DUSP16: variants seen among roughly 807,000 people sequenced by gnomAD.
The protein encoded by DUSP16 is dual specificity phosphatase 16.
Under a neutral mutation model 58.3 loss-of-function variants are expected in DUSP16, and 21 were observed. The ratio of observed to expected loss-of-function variants is 0.36; its 90% CI spans 0.26 to 0.52. The LOEUF (loss-of-function observed/expected upper bound fraction) is 0.52. Ranked by LOEUF, DUSP16 falls within the 20% of genes least tolerant of loss-of-function variation. DUSP16 has a pLI of 0.94. For missense variants in DUSP16, 726 were observed against 819.0 expected (o/e 0.89, Z 1.39); for synonymous variants, 320 against 323.8 (o/e 0.99, Z 0.12).
chr12:12,542,156 C>G (rs1299296451), intron 1 of DUSP16, among the ~76,000 whole-genome samples: 1 of 152,066 alleles, frequency 6.6e-6, no homozygotes, highest in African/African-American at 2.4e-5. Context: ...GTGGGCGGAT[C>G]ACCTCAGGTT....
At chr12:12,519,252 C>T (rs1186820714) in intron 3 of DUSP16, among the ~76,000 whole-genome samples, 1 of 152,180 alleles carries the variant, frequency 6.6e-6, no homozygotes, top group Non-Finnish European at 1.5e-5. Flanking sequence ...TTTATAAGAT[C>T]ATCTGGTTGC....
At chr12:12,479,505 C>G (rs1943521886) in intron 6 of DUSP16, among the ~76,000 whole-genome samples, 1 of 152,160 alleles carries the variant, frequency 6.6e-6, no homozygotes, top group African/African-American at 2.4e-5. Flanking sequence ...GTCCTCCAGG[C>G]TGCTGACTTA....
In DUSP16 at chr12:12,476,339, A is replaced by G. The variant is rs1363116958; in HGVS notation, c.*494T>C. 6.5e-6 allele frequency: 1 copy of G among 153,344 alleles called. No homozygotes were observed. Among genetic ancestry groups the G allele is most frequent in the Non-Finnish European group, 1.5e-5 (1 of 68,698 alleles). 9.5% of individuals were successfully genotyped at this position (153,344 alleles called of 1,614,324 possible). ...TCAGGTGAGCGTGGGTTTGTGAATCAGCTTTGGATAGGATCATTTCTCTTG... is the reference window on the plus strand; with the variant it reads ...TCAGGTGAGCGTGGGTTTGTGAATCGGCTTTGGATAGGATCATTTCTCTTG... On this transcript the variant is annotated 3_prime_UTR_variant, in exon 7 of 7. Transcript: ENST00000298573.
At chr12:12,480,162 C>G (rs1425310657) in intron 6 of DUSP16, 61 bp downstream of exon 6, 1 of 1,589,382 alleles carries the variant, frequency 6.3e-7, no homozygotes, top group Non-Finnish European at 8.6e-7. Context: ...CCATCCTCAT[C>G]ATTCTTTATG....
chr12:12,484,595 T>C lies in DUSP16; in HGVS notation c.691+2433A>G, dbSNP rs114676407. Among the ~76,000 whole-genome samples, 857 of 152,264 alleles carry C rather than the reference T, an allele frequency of 5.6e-3. 9 individuals carry two copies. The highest frequency in any genetic ancestry group is 0.019 in the African/African-American group (789 of 41,560). On this transcript the variant is annotated intron_variant, in intron 5 of 6. Coordinates refer to ENST00000298573, the MANE Select transcript of DUSP16 (RefSeq NM_030640.3). ...CAATGTCTCTGGAAGTGACGTGCAA[T>C]GGGAACATTAACCGTAATTTATTTT...
Position 12,521,276 on chromosome 12 carries a change from T to C in DUSP16, c.-178A>G. The stretch of plus-strand genomic sequence containing the variant: ...AGCAAGAGCCCTCCAAGTGAATGTC[T>C]CTTTCTCTTTCCCGTTGATGTGCTC... On this transcript the variant is annotated 5_prime_UTR_variant, in exon 2 of 7. Coordinates refer to ENST00000298573, the MANE Select transcript of DUSP16 (RefSeq NM_030640.3). The C allele has an allele frequency of 6.9e-7, 1 of 1,438,936 alleles. No homozygotes were observed. 89.1% of individuals were successfully genotyped at this position (1,438,936 alleles called of 1,614,324 possible). A position where few individuals can be genotyped will look rare whatever the true frequency, so the allele number is the denominator to read the frequency against.
chr12:12,542,595 G>A (rs1450737888), intron 1 of DUSP16, among the ~76,000 whole-genome samples: 4 of 152,044 alleles, frequency 2.6e-5, no homozygotes, highest in Admixed American at 6.6e-5. Flanking sequence ...CCACTGCATT[G>A]CACACCTTCA....
intron 3 of DUSP16, among the ~76,000 whole-genome samples, chr12:12,511,968 G>A (rs1944085042): frequency 6.6e-6 from 1 of 152,142 alleles, no homozygotes; most frequent in Non-Finnish European, 1.5e-5. Flanking sequence ...TATCAGGATG[G>A]GGAACCAAAG....
intron 1 of DUSP16, among the ~76,000 whole-genome samples, chr12:12,557,232 G>C (rs929335552): frequency 6.6e-6 from 1 of 152,028 alleles, no homozygotes; most frequent in Non-Finnish European, 1.5e-5. Context: ...AAGGCGGGTG[G>C]AACACGAGGT....
rs1943420220 is a variant in DUSP16 at position 12,475,789 on chromosome 12, C to CAACT, written c.*1040_*1043dup. 1 of 152,168 alleles carries CAACT rather than the reference C, an allele frequency of 6.6e-6. No homozygotes were observed. The highest frequency in any genetic ancestry group is 2.4e-5 in the African/African-American group (1 of 41,430). 9.4% of individuals were successfully genotyped at this position (152,168 alleles called of 1,614,324 possible). A position where few individuals can be genotyped will look rare whatever the true frequency, so the allele number is the denominator to read the frequency against. On this transcript the variant is annotated 3_prime_UTR_variant, in exon 7 of 7. Transcript: ENST00000298573. The stretch of plus-strand genomic sequence containing the variant: ...ATTCTGCCATATTATTACATTTTAC[C>CAACT]AACTGTATCCATGCAGTGAAGCAGA...
chr12:12,531,028 C>T (rs952830763), intron 1 of DUSP16, among the ~76,000 whole-genome samples: 19 of 152,086 alleles, frequency 1.2e-4, no homozygotes, highest in African/African-American at 4.6e-4. Flanking sequence ...TTAATATATG[C>T]ACCCCCTCCT....
At position 12,519,998 on chromosome 12, in the gene DUSP16, A is replaced by C; in HGVS notation, c.231T>G (p.Val77=). 1 of 1,614,106 alleles carries C rather than the reference A, an allele frequency of 6.2e-7. No homozygotes were observed. The highest frequency in any genetic ancestry group is 1.1e-5 in the South Asian group (1 of 91,086). ...CAACCTTCTGACTGCAATCAATGTC[A>C]ACCTGAAATGCAAACATGAGGCTTG... is the stretch of plus-strand genomic sequence containing the variant. ...ELIQHSAKHK[V]DIDCSQKVVV... is the part of the protein sequence containing the mutation. The change falls in exon 3 of 7, where the codon GTT becomes GTG. Residue 77 remains valine, a splice_region_variant and synonymous_variant. Transcript: ENST00000298573.
chr12:12,479,580 A>T (rs947703221), intron 6 of DUSP16, among the ~76,000 whole-genome samples: 2 of 152,130 alleles, frequency 1.3e-5, no homozygotes, highest in Admixed American at 6.5e-5. Context: ...GAAAAAAAAA[A>T]TCCAACTGTT....
At position 12,476,560 on chromosome 12, in the gene DUSP16, G is replaced by A. The variant is rs1214363905; in HGVS notation, c.*273C>T. On this transcript the variant is annotated 3_prime_UTR_variant, in exon 7 of 7. Coordinates refer to ENST00000298573, the MANE Select transcript of DUSP16 (RefSeq NM_030640.3). ...ACACTTGCTTTTTTAAGAACAAGAG[G>A]ATGTGTAATTCACTGAATAAAATGG... The A allele has an allele frequency of 1.3e-5, 4 of 313,462 alleles. No homozygotes were observed. The highest frequency in any genetic ancestry group is 4.3e-5 in the African/African-American group (2 of 46,212). 19.4% of individuals were successfully genotyped at this position (313,462 alleles called of 1,614,324 possible).
intron 4 of DUSP16, among the ~76,000 whole-genome samples, chr12:12,497,900 G>C (rs1357843578): frequency 6.6e-6 from 1 of 152,018 alleles, no homozygotes; most frequent in Non-Finnish European, 1.5e-5. Context: ...AACACGGGAG[G>C]GGGAGGTTGC....
At chr12:12,540,864 T>C (rs1164514249) in intron 1 of DUSP16, among the ~76,000 whole-genome samples, 2 of 152,066 alleles carry the variant, frequency 1.3e-5, no homozygotes, top group East Asian at 3.8e-4. Context: ...TAAAGGCTGG[T>C]TGCTTCCTGC....
chr12:12,502,550 ATTTT>A (rs58116968), intron 3 of DUSP16, among the ~76,000 whole-genome samples: 3 of 130,888 alleles, frequency 2.3e-5, no homozygotes, highest in Non-Finnish European at 1.6e-5. Context: ...TCATGGTTTC[ATTTT>A]TTTTTTTTTT....
At chr12:12,555,468 GTATT>G (rs1944792979) in intron 1 of DUSP16, among the ~76,000 whole-genome samples, 1 of 152,142 alleles carries the variant, frequency 6.6e-6, no homozygotes, top group Non-Finnish European at 1.5e-5. Flanking sequence ...TATAAACTGT[GTATT>G]TAAAAACTAG....
Position 12,500,501 on chromosome 12 carries a change from T to C in DUSP16, c.531+18A>G. On this transcript the variant is annotated intron_variant, in intron 4 of 6. Transcript: ENST00000298573. ...ACAATATAAACCCAGCAATGAAGGA[T>C]ATTTTCAAAGCACCCACCTTGTTGA... 3.1e-6 allele frequency: 5 copies of C among 1,591,158 alleles called. No homozygotes were observed. Among genetic ancestry groups the C allele is most frequent in the Non-Finnish European group, 4.3e-6 (5 of 1,171,290 alleles).
Sources: allele counts gnomAD v4.1 joint callset (sites outside exome capture counted in the v4.1 genomes callset), GRCh38; gene constraint gnomAD v4.1.1; transcripts MANE v1.5; gene names NCBI Gene and HGNC (gene_info 2026-07-23, HGNC 2026-07-21).